The following SUSD6 variants were observed in gnomAD, a reference collection of about 807,000 sequenced individuals.
SUSD6 encodes the protein sushi domain-containing protein 6.
In SUSD6, 16 loss-of-function variants were observed where a neutral mutation model predicts 28.4. That is an observed-to-expected ratio of 0.56 (90% CI 0.38 to 0.86). The LOEUF is 0.86. Among genes scored for constraint, SUSD6 ranks in the 40% least tolerant of loss-of-function variants. SUSD6 has a pLI of 0.00. For missense variants in SUSD6, 341 were observed against 384.2 expected, an observed-to-expected ratio of 0.89 and a Z score of 0.94; for synonymous variants, 147 against 159.6, an observed-to-expected ratio of 0.92 and a Z score of 0.59.
At chr14:69,643,954 C>A (rs901418581) in intron 1 of SUSD6, among the ~76,000 whole-genome samples, 1 of 152,158 alleles carries the variant, frequency 6.6e-6, no homozygotes, top group African/African-American at 2.4e-5. Flanking sequence ...CATTGATTGA[C>A]CCTGTAATTT....
Position 69,626,466 on chromosome 14 carries a change from G to A in SUSD6, c.-81+14638G>A, listed in dbSNP as rs542335253. Among the ~76,000 whole-genome samples the A allele has an allele frequency of 2.5e-4, 38 of 152,242 alleles. 1 individual carries two copies. In the South Asian group the frequency reaches 5.4e-3, roughly 22 times the overall value. On this transcript the variant is annotated intron_variant, in intron 1 of 5. Transcript: ENST00000342745. ...AGGACTTGATTGTTTTTGTGTTTGC[G>A]TGTGTTTCAAATATTTCCTTTTCCA...
At chr14:69,627,922 C>G (rs76844702) in intron 1 of SUSD6, among the ~76,000 whole-genome samples, 1 of 149,464 alleles carries the variant, frequency 6.7e-6, no homozygotes, top group African/African-American at 2.5e-5. Context: ...CTATCCCTTG[C>G]TCTTACCCAA....
chr14:69,707,746 C>T (rs996795952), intron 4 of SUSD6, among the ~76,000 whole-genome samples: 2 of 151,712 alleles, frequency 1.3e-5, no homozygotes, highest in Non-Finnish European at 2.9e-5. Context: ...GACCCTTTCT[C>T]AAAAGAAAAA....
At chr14:69,647,720 C>G (rs912047621) in intron 1 of SUSD6, among the ~76,000 whole-genome samples, 1 of 151,958 alleles carries the variant, frequency 6.6e-6, no homozygotes, top group African/African-American at 2.4e-5. Context: ...TACAGTGGCT[C>G]ACGCCTGTAA....
intron 1 of SUSD6, among the ~76,000 whole-genome samples, chr14:69,651,174 C>A (rs983463308): frequency 6.6e-6 from 1 of 152,146 alleles, no homozygotes; most frequent in African/African-American, 2.4e-5. Context: ...TGGCTAGGAC[C>A]TAGGCTGTCC....
chr14:69,651,393 T>G (rs1258937200), intron 1 of SUSD6, among the ~76,000 whole-genome samples: 3 of 152,182 alleles, frequency 2.0e-5, no homozygotes, highest in African/African-American at 7.2e-5. Context: ...CAAAAAAACC[T>G]CTGACACTGT....
chr14:69,709,716 G>T (rs1886436248), intron 5 of SUSD6, among the ~76,000 whole-genome samples: 1 of 152,204 alleles, frequency 6.6e-6, no homozygotes, highest in Non-Finnish European at 1.5e-5. Flanking sequence ...CTTCCAGGTG[G>T]CTCTAGCGCC....
Position 69,660,142 on chromosome 14 carries a change from A to G in SUSD6, c.121+1429A>G, listed in dbSNP as rs369440967. On this transcript the variant is annotated intron_variant, in intron 2 of 5. Coordinates refer to ENST00000342745, the MANE Select transcript of SUSD6 (RefSeq NM_014734.4). ...TTGGTGGGGACAGTAGGGGAGTGGT[A>G]TATTGTGGCTGTAGAGCCTCCATAG... Among the ~76,000 whole-genome samples the G allele has an allele frequency of 3.3e-5, 5 of 152,162 alleles. No homozygotes were observed. The East Asian group carries it at 9.6e-4, about 29-fold the overall frequency.
chr14:69,685,628 G>A (rs1594717374), intron 2 of SUSD6, among the ~76,000 whole-genome samples: 1 of 152,180 alleles, frequency 6.6e-6, no homozygotes, highest in African/African-American at 2.4e-5. Context: ...TTCCTCATTT[G>A]TATGTGGACC....
At chr14:69,669,279 G>T (rs1885794468) in intron 2 of SUSD6, among the ~76,000 whole-genome samples, 1 of 151,956 alleles carries the variant, frequency 6.6e-6, no homozygotes. Flanking sequence ...GGCCAGGATG[G>T]TCTCGATCTC....
intron 1 of SUSD6, among the ~76,000 whole-genome samples, chr14:69,644,912 C>T (rs905626058): frequency 2.0e-5 from 3 of 152,082 alleles, no homozygotes; most frequent in Non-Finnish European, 4.4e-5. Flanking sequence ...GGACTTTGTA[C>T]AATTAGAAGG....
intron 1 of SUSD6, among the ~76,000 whole-genome samples, chr14:69,648,937 C>A (rs1885465820): frequency 6.6e-6 from 1 of 152,048 alleles, no homozygotes; most frequent in South Asian, 2.1e-4. Flanking sequence ...ATTTCTTTAT[C>A]TTTCTTTGTA....
chr14:69,677,612 G>GT (rs1885932214), intron 2 of SUSD6, among the ~76,000 whole-genome samples: 1 of 144,808 alleles, frequency 6.9e-6, no homozygotes, highest in African/African-American at 2.5e-5. Flanking sequence ...TCAGATGACT[G>GT]TTTTGCAGAG....
At chr14:69,668,229 C>T (rs1203860327) in intron 2 of SUSD6, among the ~76,000 whole-genome samples, 1 of 152,176 alleles carries the variant, frequency 6.6e-6, no homozygotes, top group East Asian at 1.9e-4. Flanking sequence ...AAAGAGAGGG[C>T]CCAGGCAACC....
At chr14:69,624,637 T>A (rs2139593353) in intron 1 of SUSD6, among the ~76,000 whole-genome samples, 1 of 152,248 alleles carries the variant, frequency 6.6e-6, no homozygotes, top group South Asian at 2.1e-4. Context: ...GTATTTTTAG[T>A]AGAGACGGAG....
intron 2 of SUSD6, among the ~76,000 whole-genome samples, chr14:69,694,495 C>G (rs776737955): frequency 6.6e-6 from 1 of 152,206 alleles, no homozygotes; most frequent in Non-Finnish European, 1.5e-5. Flanking sequence ...CATTGTTTCT[C>G]TCTGGCCATG....
intron 1 of SUSD6, among the ~76,000 whole-genome samples, chr14:69,618,691 GT>G (rs1884993915): frequency 6.6e-6 from 1 of 152,238 alleles, no homozygotes; most frequent in South Asian, 2.1e-4. Context: ...CTGTGTGTGT[GT>G]GTGTAAATGT....
intron 2 of SUSD6, among the ~76,000 whole-genome samples, chr14:69,675,248 C>T (rs1031781583): frequency 5.3e-5 from 8 of 152,174 alleles, no homozygotes; most frequent in Non-Finnish European, 1.0e-4. Context: ...TCTTGGTGTG[C>T]AGGTGGAAGA....
intron 1 of SUSD6, among the ~76,000 whole-genome samples, chr14:69,656,615 G>A (rs558541498): frequency 6.6e-6 from 1 of 152,216 alleles, no homozygotes; most frequent in South Asian, 2.1e-4. Context: ...AACAGCAGCA[G>A]CAGCCAGTGT....
Sources: gnomAD v4.1 joint callset for allele counts (sites outside exome capture counted in the v4.1 genomes callset) on GRCh38, gnomAD v4.1.1 for gene constraint, MANE v1.5 for transcripts, NCBI Gene and HGNC (gene_info 2026-07-23, HGNC 2026-07-21) for gene names.